Variants in CHST9 observed in about 807,000 individuals in gnomAD.
CHST9 encodes the protein GalNAc-4-sulfotransferase 2.
In CHST9, 41 loss-of-function variants were observed where a neutral mutation model predicts 44.4. That is an observed-to-expected ratio of 0.92 (90% CI 0.72 to 1.20). The LOEUF (loss-of-function observed/expected upper bound fraction) is 1.20, where lower values mean the gene tolerates loss of function less well. Ranked by LOEUF, CHST9 falls within the 50% of genes most tolerant of loss-of-function variation. CHST9 has a pLI of 0.00. For missense variants in CHST9, 504 were observed against 516.5 expected, an observed-to-expected ratio of 0.98 and a Z score of 0.23; for synonymous variants, 171 against 178.4, an observed-to-expected ratio of 0.96 and a Z score of 0.33.
chr18:26,962,506 G>C (rs1013095938), intron 4 of CHST9, among the ~76,000 whole-genome samples: 4 of 152,116 alleles, frequency 2.6e-5, no homozygotes, highest in African/African-American at 4.8e-5. Context: ...GGCCAGGCTG[G>C]TCTTGAACTC....
intron 4 of CHST9, among the ~76,000 whole-genome samples, chr18:27,022,229 A>G (rs1215316858): frequency 6.6e-6 from 1 of 152,162 alleles, no homozygotes; most frequent in Non-Finnish European, 1.5e-5. Flanking sequence ...CGTATTCTAC[A>G]TCCCATGCTT....
At chr18:27,100,919 G>C (rs2058165148) in intron 2 of CHST9, among the ~76,000 whole-genome samples, 1 of 152,158 alleles carries the variant, frequency 6.6e-6, no homozygotes, top group Admixed American at 6.5e-5. Flanking sequence ...ATTTCCTATT[G>C]GTTGGGACAG....
Position 26,917,182 on chromosome 18 carries a change from G to C in CHST9, c.409C>G (p.Gln137Glu), listed in dbSNP as rs1325951738. ...TTGTTAAAAACAGTCTTAGCTCCTT[G>C]ACGTTTTTCAATCAACTTCTCTGTT... ...SPTEKLIEKR[Q>E]GAKTVFNKFS... Residue 137 changes from glutamine to glutamate, a missense_variant, in exon 6 of 6, where the codon CAA (glutamine) becomes GAA (glutamate). Gln to Glu is a conservative substitution (Grantham distance 29). Transcript: ENST00000618847. 6.2e-7 allele frequency: 1 copy of C among 1,613,890 alleles called. No individual in the cohort carries two copies. Among genetic ancestry groups the C allele is most frequent in the Admixed American group, 1.7e-5 (1 of 59,990 alleles).
intron 4 of CHST9, among the ~76,000 whole-genome samples, chr18:26,978,181 TTTTA>T (rs2056647354): frequency 6.6e-6 from 1 of 152,036 alleles, no homozygotes; most frequent in Non-Finnish European, 1.5e-5. Context: ...AATTGTTCTA[TTTTA>T]TTTAATTAGA....
chr18:27,137,683 T>C (rs2058527744), intron 2 of CHST9, among the ~76,000 whole-genome samples: 1 of 152,260 alleles, frequency 6.6e-6, no homozygotes, highest in South Asian at 2.1e-4. Context: ...ATTTGTATTT[T>C]TAAAAAACGG....
At chr18:27,158,715 C>A (rs2058718846) in intron 1 of CHST9, among the ~76,000 whole-genome samples, 1 of 151,480 alleles carries the variant, frequency 6.6e-6, no homozygotes, top group Non-Finnish European at 1.5e-5. Context: ...GTTTACAGTC[C>A]CACCAACAGT....
At chr18:27,028,379 C>T (rs2057305284) in intron 3 of CHST9, among the ~76,000 whole-genome samples, 1 of 152,166 alleles carries the variant, frequency 6.6e-6, no homozygotes, top group African/African-American at 2.4e-5. Context: ...TGGGTACAAA[C>T]ACCACTGACG....
At chr18:27,177,723 G>A (rs938586288) in intron 1 of CHST9, among the ~76,000 whole-genome samples, 3 of 151,900 alleles carry the variant, frequency 2.0e-5, no homozygotes, top group Non-Finnish European at 2.9e-5. Context: ...AGCAAAAGGA[G>A]GCACTCTGAA....
At chr18:26,948,471 AGG>A (rs763725641) in intron 4 of CHST9, among the ~76,000 whole-genome samples, 4 of 152,236 alleles carry the variant, frequency 2.6e-5, no homozygotes, top group Admixed American at 1.3e-4. Context: ...CTGACTCCTC[AGG>A]GTGTCAGGGG....
At chr18:27,138,200 C>A (rs1258684209) in intron 2 of CHST9, among the ~76,000 whole-genome samples, 1 of 152,214 alleles carries the variant, frequency 6.6e-6, no homozygotes, top group Middle Eastern at 3.2e-3. Flanking sequence ...TTCTCCCTTA[C>A]AATTCATTTG....
At chr18:27,147,147 C>T (rs2058619037) in intron 1 of CHST9, among the ~76,000 whole-genome samples, 1 of 152,128 alleles carries the variant, frequency 6.6e-6, no homozygotes, top group African/African-American at 2.4e-5. Context: ...TCACCACAAC[C>T]TTCACCTCCT....
chr18:27,036,015 A>AT (rs2057386865), intron 3 of CHST9, among the ~76,000 whole-genome samples: 2 of 152,208 alleles, frequency 1.3e-5, no homozygotes, highest in African/African-American at 4.8e-5. Flanking sequence ...TTTGTCAATT[A>AT]TACCTCAATG....
intron 5 of CHST9, chr18:26,935,818 T>C (rs982699515): frequency 6.6e-6 from 1 of 152,204 alleles, no homozygotes; most frequent in Non-Finnish European, 1.5e-5. Flanking sequence ...ACTGGATCCT[T>C]ACTGGTACTC....
intron 4 of CHST9, among the ~76,000 whole-genome samples, chr18:27,018,430 C>A (rs2057180328): frequency 6.6e-6 from 1 of 152,006 alleles, no homozygotes; most frequent in Admixed American, 6.5e-5. Context: ...TAATCATATA[C>A]AGCCCTTTCC....
At chr18:26,966,938 G>T (rs2056472925) in intron 4 of CHST9, among the ~76,000 whole-genome samples, 1 of 148,866 alleles carries the variant, frequency 6.7e-6, no homozygotes, top group Non-Finnish European at 1.5e-5. Flanking sequence ...AAATTGACAT[G>T]ATTTCCTAAT....
chr18:27,134,089 A>G (rs1253188693), intron 2 of CHST9, among the ~76,000 whole-genome samples: 1 of 152,232 alleles, frequency 6.6e-6, no homozygotes, highest in African/African-American at 2.4e-5. Flanking sequence ...ATACAGAGAT[A>G]ACCTGAAAGA....
intron 4 of CHST9, among the ~76,000 whole-genome samples, chr18:26,982,680 T>C (rs2056706829): frequency 6.6e-6 from 1 of 152,128 alleles, no homozygotes; most frequent in Non-Finnish European, 1.5e-5. Flanking sequence ...TTCTTCAACA[T>C]CTCATGCAAC....
At chr18:27,066,108 C>T (rs1361716212) in intron 2 of CHST9, among the ~76,000 whole-genome samples, 2 of 152,174 alleles carry the variant, frequency 1.3e-5, no homozygotes, top group Non-Finnish European at 2.9e-5. Context: ...AAAATGGGTA[C>T]CTCATGAAGG....
At chr18:27,153,711 T>C (rs2058677403) in intron 1 of CHST9, among the ~76,000 whole-genome samples, 1 of 152,108 alleles carries the variant, frequency 6.6e-6, no homozygotes, top group Non-Finnish European at 1.5e-5. Flanking sequence ...AAGACTCTTT[T>C]ACCAAATAAA....
Sources: gnomAD v4.1 joint callset for allele counts (sites outside exome capture counted in the v4.1 genomes callset) on GRCh38, gnomAD v4.1.1 for gene constraint, MANE v1.5 for transcripts, NCBI Gene and HGNC (gene_info 2026-07-23, HGNC 2026-07-21) for gene names.